Variants in CADM2 observed in about 807,000 individuals in gnomAD.
CADM2 encodes cell adhesion molecule 2.
CADM2 carries 12 observed loss-of-function variants against 49.8 expected under a neutral mutation model. The ratio of observed to expected loss-of-function variants is 0.24; its 90% CI spans 0.15 to 0.39. The LOEUF (loss-of-function observed/expected upper bound fraction) is 0.39, where lower values mean the gene tolerates loss of function less well. Among genes scored for constraint, CADM2 ranks in the 10% least tolerant of loss-of-function variants. The pLI, the probability that CADM2 is intolerant of heterozygous loss-of-function variation, is 1.00. For missense variants in CADM2, 378 were observed against 492.3 expected, an observed-to-expected ratio of 0.77 and a Z score of 2.20; for synonymous variants, 214 against 175.4, an observed-to-expected ratio of 1.22 and a Z score of -1.74.
At chr3:85,919,486 T>G (rs1718813795) in intron 6 of CADM2, among the ~76,000 whole-genome samples, 1 of 151,830 alleles carries the variant, frequency 6.6e-6, no homozygotes, top group Non-Finnish European at 1.5e-5. Context: ...AAATAAGAAA[T>G]ATATCATATA....
chr3:85,134,143 C>G (rs1011552264), intron 1 of CADM2, among the ~76,000 whole-genome samples: 5 of 152,212 alleles, frequency 3.3e-5, no homozygotes, highest in African/African-American at 9.6e-5. Flanking sequence ...CAGGGCCGGC[C>G]GGCTGCTCTG....
chr3:85,874,862 T>A (rs183369041), intron 3 of CADM2, among the ~76,000 whole-genome samples: 1 of 152,164 alleles, frequency 6.6e-6, no homozygotes, highest in East Asian at 1.9e-4. Flanking sequence ...GGTATTAGAA[T>A]TTTGTAGTTA....
intron 1 of CADM2, chr3:84,959,988 C>T: frequency 2.1e-6 from 1 of 475,068 alleles, no homozygotes; most frequent in Non-Finnish European, 3.8e-6. Context: ...CAACTTGTGC[C>T]TCTCTGAACA....
chr3:85,072,102 A>T (rs1402376994), intron 1 of CADM2, among the ~76,000 whole-genome samples: 1 of 151,734 alleles, frequency 6.6e-6, no homozygotes, highest in East Asian at 1.9e-4. Context: ...ATCTTCAATT[A>T]TTAAATGATT....
chr3:85,635,198 A>C (rs2064431421), intron 1 of CADM2, among the ~76,000 whole-genome samples: 1 of 152,086 alleles, frequency 6.6e-6, no homozygotes, highest in Non-Finnish European at 1.5e-5. Flanking sequence ...ATCTCATGAA[A>C]ATGGTAAGGA....
chr3:85,114,069 G>A (rs1268449198), intron 1 of CADM2, among the ~76,000 whole-genome samples: 1 of 151,906 alleles, frequency 6.6e-6, no homozygotes, highest in East Asian at 1.9e-4. Flanking sequence ...ATAAGTATAG[G>A]ATCCATAATT....
intron 7 of CADM2, among the ~76,000 whole-genome samples, chr3:85,941,840 A>G (rs1014795498): frequency 1.3e-5 from 2 of 152,094 alleles, no homozygotes; most frequent in African/African-American, 4.8e-5. Context: ...TGAGGAATCC[A>G]GGGTCAGTGA....
chr3:85,908,728 ATTT>A (rs63218162), intron 5 of CADM2, among the ~76,000 whole-genome samples: 2 of 140,586 alleles, frequency 1.4e-5, no homozygotes, highest in Admixed American at 7.1e-5. Context: ...TACGGTTATG[ATTT>A]TTTTTTTTTT....
At chr3:85,533,376 T>A (rs2061360962) in intron 1 of CADM2, among the ~76,000 whole-genome samples, 1 of 152,200 alleles carries the variant, frequency 6.6e-6, no homozygotes, top group Non-Finnish European at 1.5e-5. Context: ...TATGTGAAAC[T>A]ATTATGCATA....
At chr3:85,072,891 G>C (rs1305568786) in intron 1 of CADM2, among the ~76,000 whole-genome samples, 4 of 151,876 alleles carry the variant, frequency 2.6e-5, no homozygotes, top group Admixed American at 6.6e-5. Context: ...TTTTCATGTT[G>C]TTTATTGAAT....
chr3:85,470,588 A>AT (rs756769359), intron 1 of CADM2, among the ~76,000 whole-genome samples: 1 of 152,150 alleles, frequency 6.6e-6, no homozygotes, highest in Non-Finnish European at 1.5e-5. Context: ...TGACTACGTG[A>AT]TTTTTTGGAT....
chr3:85,243,261 A>G (rs975008730), intron 1 of CADM2, among the ~76,000 whole-genome samples: 1 of 151,880 alleles, frequency 6.6e-6, no homozygotes, highest in Admixed American at 6.6e-5. Flanking sequence ...TGTTTTGGTT[A>G]ATGAGTAATA....
chr3:85,410,631 C>A (rs9874461), intron 1 of CADM2, among the ~76,000 whole-genome samples: 161 of 152,188 alleles, frequency 1.1e-3, no homozygotes, highest in African/African-American at 3.8e-3. Flanking sequence ...TTTGCCGAAA[C>A]AGTTAAAAAG....
intron 1 of CADM2, among the ~76,000 whole-genome samples, chr3:85,177,805 C>G (rs1231031478): frequency 6.6e-6 from 1 of 151,770 alleles, no homozygotes; most frequent in Non-Finnish European, 1.5e-5. Context: ...CATGCCATAT[C>G]TTCTAAGAGA....
chr3:85,991,796 T>A (rs990567325), intron 8 of CADM2, among the ~76,000 whole-genome samples: 15 of 152,134 alleles, frequency 9.9e-5, no homozygotes, highest in African/African-American at 3.6e-4. Context: ...TTAATATTAA[T>A]TGATACCATT....
chr3:85,094,213 C>T (rs1162684699), intron 1 of CADM2, among the ~76,000 whole-genome samples: 1 of 152,080 alleles, frequency 6.6e-6, no homozygotes, highest in African/African-American at 2.4e-5. Flanking sequence ...TATTTGAAAA[C>T]TATTTTATAA....
chr3:84,986,220 A>G (rs763864471), intron 1 of CADM2, among the ~76,000 whole-genome samples: 1 of 152,206 alleles, frequency 6.6e-6, no homozygotes, highest in Non-Finnish European at 1.5e-5. Flanking sequence ...TTTTTCTGCA[A>G]GACATTAAAT....
chr3:85,345,795 T>C (rs533483993), intron 1 of CADM2, among the ~76,000 whole-genome samples: 9 of 152,314 alleles, frequency 5.9e-5, no homozygotes, highest in Middle Eastern at 3.4e-3. Context: ...TAAATGTCAA[T>C]ATCCTGATTT....
At chr3:85,803,476 A>T (rs1017080778) in intron 3 of CADM2, among the ~76,000 whole-genome samples, 2 of 138,814 alleles carry the variant, frequency 1.4e-5, no homozygotes, top group African/African-American at 5.6e-5. Context: ...AAAATGAAGA[A>T]ACAGACAGAT....
Sources: gnomAD v4.1 joint callset for allele counts (sites outside exome capture counted in the v4.1 genomes callset) on GRCh38, gnomAD v4.1.1 for gene constraint, MANE v1.5 for transcripts, NCBI Gene and HGNC (gene_info 2026-07-23, HGNC 2026-07-21) for gene names.